DHCR24: variants seen among roughly 807,000 people sequenced by gnomAD.
DHCR24 encodes 24-dehydrocholesterol reductase.
In DHCR24, 28 loss-of-function variants were observed where a neutral mutation model predicts 61.2. The ratio of observed to expected loss-of-function variants is 0.46; its 90% confidence interval spans 0.34 to 0.63. DHCR24 has a LOEUF of 0.63. Among genes scored for constraint, DHCR24 ranks in the 20% least tolerant of loss-of-function variants. DHCR24 has a pLI of 0.01. For missense variants in DHCR24, 538 were observed against 679.1 expected (o/e 0.79, Z 2.31); for synonymous variants, 261 against 275.9 (o/e 0.95, Z 0.54).
At position 54,886,879 on chromosome 1, in the gene DHCR24, C is replaced by CG; in HGVS notation, c.231+9dup. 6.2e-7 allele frequency: 1 copy of CG among 1,611,446 alleles called. No homozygotes were observed. Reference sequence around the variant, plus strand: ...GGCCCTGAGTCCCGGCCGCACCCGGCGCCGCTCACCTGCTTCTGGATGTCC... The same window carrying CG: ...GGCCCTGAGTCCCGGCCGCACCCGGCGGCCGCTCACCTGCTTCTGGATGTCC... On this transcript the variant is annotated intron_variant, in intron 1 of 8. Transcript: ENST00000371269.
At chr1:54,864,307 C>T (rs1175481002) in intron 6 of DHCR24, among the ~76,000 whole-genome samples, 1 of 152,200 alleles carries the variant, frequency 6.6e-6, no homozygotes, top group Non-Finnish European at 1.5e-5. Context: ...ACCCACATGT[C>T]CATCAACAGA....
chr1:54,886,811 C>A (rs999751360), intron 1 of DHCR24, 78 bp downstream of exon 1: 3 of 1,563,790 alleles, frequency 1.9e-6, no homozygotes, highest in East Asian at 2.3e-5. Flanking sequence ...CCGCAGCTCC[C>A]GTCGCCACCT....
At chr1:54,864,370 T>C (rs1646956214) in intron 6 of DHCR24, among the ~76,000 whole-genome samples, 1 of 152,072 alleles carries the variant, frequency 6.6e-6, no homozygotes. Context: ...TATCCCGCCA[T>C]AAAAAGAAAT....
intron 8 of DHCR24, among the ~76,000 whole-genome samples, chr1:54,852,603 G>A (rs1646882292): frequency 1.3e-5 from 2 of 152,202 alleles, no homozygotes; most frequent in African/African-American, 2.4e-5. Flanking sequence ...TAGCAGTGGA[G>A]GTAGAGTCAG....
intron 6 of DHCR24, among the ~76,000 whole-genome samples, chr1:54,854,825 G>A (rs552921400): frequency 2.0e-5 from 3 of 152,178 alleles, no homozygotes; most frequent in African/African-American, 7.2e-5. Context: ...CCCCCAATTC[G>A]GTCTCCCTGG....
intron 5 of DHCR24, 41 bp from the exon 6 acceptor site, chr1:54,865,487 C>T (rs368401985): frequency 4.8e-5 from 77 of 1,612,322 alleles, no homozygotes; most frequent in South Asian, 1.3e-4. Flanking sequence ...TGCAGACAAG[C>T]GCCCAGCACC....
At chr1:54,855,657 G>A (rs1646903664) in intron 6 of DHCR24, among the ~76,000 whole-genome samples, 1 of 152,228 alleles carries the variant, frequency 6.6e-6, no homozygotes, top group Non-Finnish European at 1.5e-5. Context: ...ACTGAAGGCT[G>A]AGTGACCCTT....
chr1:54,879,352 A>AAAAAAAAAAAAAG (rs573285056), intron 2 of DHCR24, among the ~76,000 whole-genome samples: 1 of 128,162 alleles, frequency 7.8e-6, no homozygotes, highest in Admixed American at 8.4e-5. Context: ...AAAAAAAAAA[A>AAAAAAAAAAAAAG]TCCAAATCAA....
At chr1:54,870,517 A>G (rs1187029200) in intron 5 of DHCR24, among the ~76,000 whole-genome samples, 1 of 152,250 alleles carries the variant, frequency 6.6e-6, no homozygotes, top group Non-Finnish European at 1.5e-5. Context: ...GTATTTGCAT[A>G]TAACCCTATG....
At chr1:54,855,777 CAATA>C (rs1646904430) in intron 6 of DHCR24, among the ~76,000 whole-genome samples, 1 of 152,206 alleles carries the variant, frequency 6.6e-6, no homozygotes, top group South Asian at 2.1e-4. Flanking sequence ...AACAGGATCT[CAATA>C]AATAGCCTGG....
At position 54,851,233 on chromosome 1, in the gene DHCR24, C is replaced by T. The variant is rs1646873571; in HGVS notation, c.*1000G>A. Reference sequence around the variant, plus strand: ...AGTCGATGCTCTTTTCTTCCAGCCCCACGGTGAGAATCCTACAGAAACATG... The same window carrying T: ...AGTCGATGCTCTTTTCTTCCAGCCCTACGGTGAGAATCCTACAGAAACATG... On this transcript the variant is annotated 3_prime_UTR_variant, in exon 9 of 9. Coordinates refer to ENST00000371269, the MANE Select transcript of DHCR24 (RefSeq NM_014762.4). 6.6e-6 allele frequency: 1 copy of T among 152,540 alleles called. No individual in the cohort carries two copies. Among genetic ancestry groups the T allele is most frequent in the Non-Finnish European group, 1.5e-5 (1 of 68,032 alleles). The allele number at this position is 152,540 out of a possible 1,614,324, so 9.4% of individuals were successfully genotyped here. A position where few individuals can be genotyped will look rare whatever the true frequency, so the allele number is the denominator to read the frequency against.
rs1275505253 is a variant in DHCR24, at chr1:54,883,670, T to C, written c.335A>G (p.Lys112Arg). The C allele has an allele frequency of 1.2e-6, 2 of 1,614,230 alleles. No individual in the cohort carries two copies. The highest frequency in any genetic ancestry group is 1.7e-5 in the Admixed American group (1 of 60,030). ...GTCCATCAGGTTGATCATGATGTTT[T>C]TGTGTGTCTTCTTGTACTTCCCGAC... ...LRVGKYKKTHKNIMINLMDIL... is the reference protein window; with the variant it reads ...LRVGKYKKTHRNIMINLMDIL... Residue 112 changes from lysine to arginine, a missense_variant, in exon 2 of 9, where the codon AAA (lysine) becomes AGA (arginine). Coordinates refer to ENST00000371269, the MANE Select transcript of DHCR24 (RefSeq NM_014762.4). This position sits in a 1 kb window ranked among gnomAD's most constrained non-coding sequence, Gnocchi z 4.3.
At chr1:54,869,098 A>C (rs1006841564) in intron 5 of DHCR24, among the ~76,000 whole-genome samples, 3 of 152,150 alleles carry the variant, frequency 2.0e-5, no homozygotes, top group African/African-American at 7.2e-5. Context: ...GAAAAGACAA[A>C]TGTGAACCAA....
chr1:54,865,185 C>G (rs896306126), intron 6 of DHCR24, 118 bp downstream of exon 6: 2 of 1,305,508 alleles, frequency 1.5e-6, no homozygotes, highest in Non-Finnish European at 2.1e-6. Flanking sequence ...CATTGCAGTT[C>G]CTTAGGACAA....
In DHCR24 at chr1:54,887,070, C is replaced by A. The variant is rs1269612526; in HGVS notation, c.50G>T (p.Trp17Leu). ...GAACTCCAGCCCCTTCAGGCGCACC[C>A]ACAGCAGGAAGAGCAGCGCGCACAC... ...LAVCALLFLL[W>L]VRLKGLEFVL... The change falls in exon 1 of 9, where the codon TGG becomes TTG. Residue 17 changes from tryptophan to leucine, a missense_variant. Transcript: ENST00000371269. 5 of 1,610,158 alleles carry A rather than the reference C, an allele frequency of 3.1e-6. No homozygotes were observed. The highest frequency in any genetic ancestry group is 4.2e-6 in the Non-Finnish European group (5 of 1,178,398).
At chr1:54,874,737 G>A (rs1647017513) in intron 4 of DHCR24, among the ~76,000 whole-genome samples, 1 of 152,064 alleles carries the variant, frequency 6.6e-6, no homozygotes, top group African/African-American at 2.4e-5. Flanking sequence ...CCTGATTACT[G>A]GGGTGTGAGT....
In DHCR24 at chr1:54,854,224, G is replaced by T. The variant is rs1407529747; in HGVS notation, c.1031C>A (p.Pro344His). The T allele has an allele frequency of 1.2e-6, 2 of 1,613,556 alleles. No homozygotes were observed. Among genetic ancestry groups the T allele is most frequent in the Non-Finnish European group, 1.7e-6 (2 of 1,179,842 alleles). ...SIFWELQDII[P>H]FGNNPIFRYL... ...GCGGAAGATGGGGTTGTTGCCAAAG[G>T]GGATAATGTCCTGGAAAACAAAGAT... Residue 344 changes from proline (P) to histidine (H), a missense_variant, in exon 7 of 9, where the codon CCC (proline) becomes CAC (histidine). By Grantham distance (77) the Pro-to-His change is moderately conservative. Coordinates refer to ENST00000371269, the MANE Select transcript of DHCR24 (RefSeq NM_014762.4).
intron 5 of DHCR24, among the ~76,000 whole-genome samples, 157 bp downstream of exon 5, chr1:54,871,193 T>A (rs886567690): frequency 1.3e-5 from 2 of 152,190 alleles, no homozygotes; most frequent in African/African-American, 4.8e-5. Context: ...CTAATACATT[T>A]CTGATGATAG....
chr1:54,852,491 G>A lies in DHCR24; in HGVS notation c.1398-105C>T, dbSNP rs956890794. ...TGCAGCCCAGAAAAGGCTTTTGGAG[G>A]ATTTCTCTTGTTTAACCCCGTTAAC... On this transcript the variant is annotated intron_variant, in intron 8 of 8. Transcript: ENST00000371269. 1.5e-5 allele frequency: 19 copies of A among 1,306,324 alleles called. No individual in the cohort carries two copies. In the African/African-American group the frequency reaches 2.6e-4, roughly 18 times the overall value. 80.9% of individuals were successfully genotyped at this position (1,306,324 alleles called of 1,614,324 possible).
Sources: gnomAD v4.1 joint callset for allele counts (sites outside exome capture counted in the v4.1 genomes callset) on GRCh38, gnomAD v4.1.1 for gene constraint, Gnocchi (gnomAD v3.1) non-coding constraint, MANE v1.5 for transcripts, NCBI Gene and HGNC (gene_info 2026-07-23, HGNC 2026-07-21) for gene names.